Variants in INF2 observed in about 807,000 individuals in gnomAD.
The protein encoded by INF2 is inverted formin-2.
In INF2, 43 loss-of-function variants were observed where a neutral mutation model predicts 123.5. That is an observed-to-expected ratio of 0.35 (90% CI 0.27 to 0.45). The LOEUF (loss-of-function observed/expected upper bound fraction) is 0.45, where lower values mean the gene tolerates loss of function less well. INF2 is among the 20% of genes least tolerant of loss of function. INF2 has a pLI of 1.00. For synonymous variants in INF2, 851 were observed against 745.0 expected, an observed-to-expected ratio of 1.14 and a Z score of -2.32; for missense variants, 1,453 against 1,682.7, an observed-to-expected ratio of 0.86 and a Z score of 2.39.
Position 104,684,358 on chromosome 14 carries a change from G to A in INF2, c.-104+2776G>A, listed in dbSNP as rs1050220556. The stretch of plus-strand genomic sequence containing the variant: ...AGGCCCACCAGCTCTGCCAGCACCC[G>A]GCCTCTGCACCTCAGCTTTCAGCGG... On this transcript the variant is annotated intron_variant, in intron 1 of 2. Transcript: ENST00000674723. The surrounding 1 kb of genome is among the most constrained non-coding windows in gnomAD (Gnocchi z 5.0). 9.6e-5 allele frequency: 30 copies of A among 313,128 alleles called. No homozygotes were observed. Among genetic ancestry groups the A allele is most frequent in the Admixed American group, 8.4e-4 (19 of 22,654 alleles). The allele number at this position is 313,128 out of a possible 1,614,324, so 19.4% of individuals were successfully genotyped here. A position where few individuals can be genotyped will look rare whatever the true frequency, so the allele number is the denominator to read the frequency against.
intron 1 of INF2, among the ~76,000 whole-genome samples, chr14:104,695,880 C>A (rs1332893872): frequency 1.3e-5 from 2 of 152,168 alleles, no homozygotes; most frequent in Non-Finnish European, 2.9e-5. Context: ...CCCCTGGCCC[C>A]CAGCTCTGCT....
chr14:104,716,474 G>A (rs888686614), intron 22 of INF2, among the ~76,000 whole-genome samples: 3 of 152,192 alleles, frequency 2.0e-5, no homozygotes, highest in Non-Finnish European at 2.9e-5. Context: ...GGACTTGCTG[G>A]CCCTGAGTGT....
intron 22 of INF2, chr14:104,715,933 G>A: frequency 2.2e-6 from 1 of 456,184 alleles, no homozygotes; most frequent in Non-Finnish European, 4.4e-6. Context: ...CCACCCCGAG[G>A]CCATGGGTGG....
chr14:104,704,149 C>T (rs1406097382), intron 5 of INF2, 200 bp downstream of exon 5: 1 of 1,445,874 alleles, frequency 6.9e-7, no homozygotes, highest in East Asian at 2.5e-5. Context: ...GGCAGCTGCC[C>T]ACAGAAACTA....
chr14:104,713,414 T>TGCCGCTCTCTGAGTGCCCCAC, intron 19 of INF2, 31 bp from the exon 20 acceptor site: 1 of 1,601,506 alleles, frequency 6.2e-7, no homozygotes, highest in Non-Finnish European at 8.5e-7. Flanking sequence ...CAGGGTCCCA[T>TGCCGCTCTCTGAGTGCCCCAC]GCCGCTCTCT....
rs763348932 is a variant in INF2 at position 104,712,499 on chromosome 14, G to A, written c.2556G>A (p.Arg852=). Residue 852 remains arginine (R), a synonymous_variant, in exon 17 of 23, where the codon CGG becomes CGA. Coordinates refer to ENST00000392634, the MANE Select transcript of INF2 (RefSeq NM_022489.4). The part of the protein sequence containing the change: ...SNLKKLLETE[R]KVSASVAEVQ... Reference sequence around the variant, plus strand: ...TGAAGAAGCTTCTGGAGACCGAGCGGAAGGTGTCTGCCTCCGTGGCCGAGG... The same window carrying A: ...TGAAGAAGCTTCTGGAGACCGAGCGAAAGGTGTCTGCCTCCGTGGCCGAGG... 2.1e-5 allele frequency: 34 copies of A among 1,612,582 alleles called. No homozygotes were observed. In the East Asian group the frequency reaches 6.5e-4, roughly 31 times the overall value.
At chr14:104,697,906 G>T (rs758998408) in intron 1 of INF2, among the ~76,000 whole-genome samples, 1 of 152,176 alleles carries the variant, frequency 6.6e-6, no homozygotes, top group Non-Finnish European at 1.5e-5. Context: ...TGGATGGGAC[G>T]CCCCTTCTTG....
chr14:104,704,915 C>T (rs1254839704), intron 5 of INF2: 1 of 152,188 alleles, frequency 6.6e-6, no homozygotes, highest in Non-Finnish European at 1.5e-5. Flanking sequence ...ATGGGATATA[C>T]TTATGCCAAA....
rs1434541296 is a variant in INF2, at chr14:104,699,497, C to T, written c.-9-1860C>T. The T allele has an allele frequency of 2.0e-6, 2 of 985,178 alleles. No homozygotes were observed. Among genetic ancestry groups the T allele is most frequent in the Admixed American group, 6.1e-5 (1 of 16,264 alleles). 61.0% of individuals were successfully genotyped at this position (985,178 alleles called of 1,614,324 possible). A position where few individuals can be genotyped will look rare whatever the true frequency, so the allele number is the denominator to read the frequency against. ...AGGGACCCGGCTGTCTCTGGCAGCT[C>T]AGCGGTCAGCAGCGATGAGAAGCCA... On this transcript the variant is annotated intron_variant, in intron 1 of 22. Transcript: ENST00000392634. The surrounding 1 kb of genome is among the most constrained non-coding windows in gnomAD (Gnocchi z 4.7).
At chr14:104,709,591 G>A (rs1255006473) in intron 11 of INF2, 29 bp from the exon 12 acceptor site, 1 of 1,583,638 alleles carries the variant, frequency 6.3e-7, no homozygotes, top group Non-Finnish European at 8.7e-7. Context: ...GGCATGGGGG[G>A]ATCCCACATG....
At position 104,703,088 on chromosome 14, in the gene INF2, C is replaced by A. The variant is rs117462673; in HGVS notation, c.392-17C>A. 1.9e-6 allele frequency: 3 copies of A among 1,602,102 alleles called. No individual in the cohort carries two copies. Among genetic ancestry groups the A allele is most frequent in the East Asian group, 4.5e-5 (2 of 44,804 alleles). On this transcript the variant is annotated splice_polypyrimidine_tract_variant and intron_variant, in intron 2 of 22. Coordinates refer to ENST00000392634, the MANE Select transcript of INF2 (RefSeq NM_022489.4). ...GGTGCATTGGCCCTGCTGAGCCTGC[C>A]CACTCCACCCTGGCAGCCCTGGACA...
intron 1 of INF2, among the ~76,000 whole-genome samples, chr14:104,682,199 C>T (rs4078242): frequency 0.22 from 32,941 of 152,044 alleles, 4,313 homozygotes; most frequent in Middle Eastern, 0.29. Context: ...AACGCTGTGC[C>T]GGGCGCTCAG....
At chr14:104,685,080 A>G (rs1888624087), upstream of INF2, 1 of 152,216 alleles carries the variant, frequency 6.6e-6, no homozygotes, top group African/African-American at 2.4e-5. Flanking sequence ...AGGTTTACAA[A>G]TACATTTTAG....
chr14:104,697,475 G>A (rs1304193477), intron 1 of INF2, among the ~76,000 whole-genome samples: 1 of 152,232 alleles, frequency 6.6e-6, no homozygotes, highest in Admixed American at 6.5e-5. Context: ...TGTCTGCACC[G>A]CAGGGGCTAG....
chr14:104,716,559 C>T (rs1890306989), intron 22 of INF2, among the ~76,000 whole-genome samples: 1 of 152,254 alleles, frequency 6.6e-6, no homozygotes, highest in Admixed American at 6.5e-5. Context: ...TGGACGTGTC[C>T]AGTGCCAGCT....
Position 104,699,525 on chromosome 14 carries a change from G to A in INF2, c.-9-1832G>A. The A allele has an allele frequency of 1.0e-6, 1 of 985,322 alleles. No individual in the cohort carries two copies. The highest frequency in any genetic ancestry group is 1.7e-5 in the African/African-American group (1 of 57,328). 61.0% of individuals were successfully genotyped at this position (985,322 alleles called of 1,614,324 possible). A position where few individuals can be genotyped will look rare whatever the true frequency, so the allele number is the denominator to read the frequency against. ...CGGTCAGCAGCGATGAGAAGCCAGGGGAGCGTGAGGAGCAGCCCAGGACAG... is the reference window on the plus strand; with the variant it reads ...CGGTCAGCAGCGATGAGAAGCCAGGAGAGCGTGAGGAGCAGCCCAGGACAG... On this transcript the variant is annotated intron_variant, in intron 1 of 22. Coordinates refer to ENST00000392634, the MANE Select transcript of INF2 (RefSeq NM_022489.4). This position sits in a 1 kb window ranked among gnomAD's most constrained non-coding sequence, Gnocchi z 4.7.
At position 104,701,383 on chromosome 14, in the gene INF2, C is replaced by T. The variant is rs1032255653; in HGVS notation, c.18C>T (p.Gly6=). 5.7e-6 allele frequency: 9 copies of T among 1,586,188 alleles called. No individual in the cohort carries two copies. The highest frequency in any genetic ancestry group is 4.0e-5 in the African/African-American group (3 of 74,344). ...TCGGCAAGATGTCGGTGAAGGAGGGCGCACAGCGCAAGTGGGCAGCGCTGA... is the reference window on the plus strand; with the variant it reads ...TCGGCAAGATGTCGGTGAAGGAGGGTGCACAGCGCAAGTGGGCAGCGCTGA... MSVKE[G]AQRKWAALKE... The change falls in exon 2 of 23, where the codon GGC becomes GGT. Residue 6 remains glycine (G), a synonymous_variant. Transcript: ENST00000392634.
Position 104,714,377 on chromosome 14 carries a change from T to C in INF2, c.3215T>C (p.Leu1072Pro). ...TTGGAGGAGGGTGGTCCACGGCCCC[T>C]GGAGAGGCGTTCTTCCTGGTATGTG... ...EQLEEGGPRP[L>P]ERRSSWYVDA... is the part of the protein sequence containing the mutation. The change falls in exon 21 of 23, where the codon CTG (leucine) becomes CCG (proline). Residue 1072 changes from leucine to proline, a missense_variant. Around this residue, in one of 8 missense-constraint regions of INF2, gnomAD observed 344 missense variants for 333.1 expected, o/e 1.03. Transcript: ENST00000392634. The C allele has an allele frequency of 6.3e-7, 1 of 1,599,128 alleles. No individual in the cohort carries two copies. The highest frequency in any genetic ancestry group is 8.5e-7 in the Non-Finnish European group (1 of 1,173,428).
chr14:104,705,935 G>A, intron 5 of INF2, 100 bp from the exon 6 acceptor site: 2 of 1,448,386 alleles, frequency 1.4e-6, no homozygotes, highest in Non-Finnish European at 1.9e-6. Context: ...GTCCCAGGTG[G>A]GCTGAGCGGG....
Sources: gnomAD v4.1 joint callset for allele counts (sites outside exome capture counted in the v4.1 genomes callset) on GRCh38, gnomAD v4.1.1 for gene constraint, gnomAD v4.1.1 regional missense constraint, Gnocchi (gnomAD v3.1) non-coding constraint, MANE v1.5 for transcripts, NCBI Gene and HGNC (gene_info 2026-07-23, HGNC 2026-07-21) for gene names.